KCNC2: variants seen among roughly 807,000 people sequenced by gnomAD.
KCNC2 encodes potassium voltage-gated channel subfamily C member 2, also known as voltage-gated potassium channel KCNC2.
KCNC2 carries 21 observed loss-of-function variants against 44.5 expected under a neutral mutation model. That is an observed-to-expected ratio of 0.47 (90% CI 0.33 to 0.68). The LOEUF (loss-of-function observed/expected upper bound fraction) is 0.68, where lower values mean the gene tolerates loss of function less well. Among genes scored for constraint, KCNC2 ranks in the 30% least tolerant of loss-of-function variants. KCNC2 has a pLI of 0.01. For synonymous variants in KCNC2, 391 were observed against 339.1 expected, an observed-to-expected ratio of 1.15 and a Z score of -1.68; for missense variants, 589 against 826.2, an observed-to-expected ratio of 0.71 and a Z score of 3.52.
rs1892325657 is a variant in KCNC2, at chr12:75,178,208, C to T, written c.687+29089G>A. Among the ~76,000 whole-genome samples the T allele has an allele frequency of 2.6e-5, 4 of 151,966 alleles. No individual in the cohort carries two copies. The South Asian group carries it at 8.3e-4, about 31-fold the overall frequency. On this transcript the variant is annotated intron_variant, in intron 2 of 4. Transcript: ENST00000549446. ...AACCAGTGAGTCATTGTCTGACTCA[C>T]AGTAAGACATGTACATCTGTGCTTA...
intron 2 of KCNC2, among the ~76,000 whole-genome samples, chr12:75,156,634 G>A (rs73355645): frequency 0.011 from 1,729 of 151,620 alleles, 37 homozygotes; most frequent in African/African-American, 0.039. Flanking sequence ...GATGCCTACC[G>A]TTGAAAGTTT....
At chr12:75,137,854 C>A (rs755506098) in intron 2 of KCNC2, among the ~76,000 whole-genome samples, 19 of 152,290 alleles carry the variant, frequency 1.2e-4, no homozygotes, top group Middle Eastern at 3.4e-3. Flanking sequence ...TCTGATTTAA[C>A]CTTGATACAA....
chr12:75,116,851 T>C, intron 2 of KCNC2, among the ~76,000 whole-genome samples: 1 of 152,110 alleles, frequency 6.6e-6, no homozygotes, highest in Admixed American at 6.6e-5. Flanking sequence ...ATGCAACTAA[T>C]TCCCTGCTGC....
rs896303776 is a variant in KCNC2 at position 75,136,068 on chromosome 12, C to T, written c.687+71229G>A. On this transcript the variant is annotated intron_variant, in intron 2 of 4. Coordinates refer to ENST00000549446, the MANE Select transcript of KCNC2 (RefSeq NM_139137.4). Reference sequence around the variant, plus strand: ...ATCCTTTTTTTCTTGGTATATTTAACCTTTCTGTCCACTATAACCTCCTCT... The same window carrying T: ...ATCCTTTTTTTCTTGGTATATTTAATCTTTCTGTCCACTATAACCTCCTCT... Among the ~76,000 whole-genome samples, 3 of 151,940 alleles carry T rather than the reference C, an allele frequency of 2.0e-5. No homozygotes were observed. The East Asian group carries it at 5.8e-4, about 29-fold the overall frequency.
At chr12:75,124,051 A>G (rs540598569) in intron 2 of KCNC2, 6 of 152,350 alleles carry the variant, frequency 3.9e-5, no homozygotes, top group South Asian at 4.1e-4. Context: ...ATCTTCCTGC[A>G]TGAAACTTGA....
chr12:75,115,951 C>T (rs1053455023), intron 2 of KCNC2, among the ~76,000 whole-genome samples: 2 of 152,174 alleles, frequency 1.3e-5, no homozygotes, highest in East Asian at 1.9e-4. Context: ...GTTGCTTGAG[C>T]GCAGCAACTA....
chr12:75,040,880 T>A lies in KCNC2; in HGVS notation c.*2225A>T. 1 of 522,426 alleles carries A rather than the reference T, an allele frequency of 1.9e-6. No individual in the cohort carries two copies. The highest frequency in any genetic ancestry group is 5.2e-4 in the Middle Eastern group (1 of 1,940). The allele number at this position is 522,426 out of a possible 1,614,324, so 32.4% of individuals were successfully genotyped here. A position where few individuals can be genotyped will look rare whatever the true frequency, so the allele number is the denominator to read the frequency against. ...TGGGCCTTACTTGAAACTTCAGAGA[T>A]GTTGATCATGAATTTGGCTTCTTTT... On this transcript the variant is annotated 3_prime_UTR_variant, in exon 5 of 5. Coordinates refer to ENST00000549446, the MANE Select transcript of KCNC2 (RefSeq NM_139137.4).
chr12:75,145,754 G>A (rs1256728420), intron 2 of KCNC2, among the ~76,000 whole-genome samples: 1 of 151,834 alleles, frequency 6.6e-6, no homozygotes, highest in Non-Finnish European at 1.5e-5. Context: ...AAGATTTTTT[G>A]GGTAGGGAAG....
intron 2 of KCNC2, among the ~76,000 whole-genome samples, chr12:75,058,491 A>C (rs544550764): frequency 1.2e-4 from 19 of 152,186 alleles, no homozygotes; most frequent in Middle Eastern, 3.4e-3. Flanking sequence ...TCATGTCCCA[A>C]AATAAATTAT....
intron 4 of KCNC2, chr12:75,044,730 C>G (rs921538813): frequency 6.6e-6 from 1 of 151,916 alleles, no homozygotes; most frequent in South Asian, 2.1e-4. Flanking sequence ...CACACATTAA[C>G]CTTCAGCAGA....
chr12:75,160,340 A>G (rs1891040660), intron 2 of KCNC2, among the ~76,000 whole-genome samples: 1 of 151,822 alleles, frequency 6.6e-6, no homozygotes. Context: ...CTGTGAAAAA[A>G]TTAATTTATG....
intron 2 of KCNC2, among the ~76,000 whole-genome samples, chr12:75,088,508 C>G (rs1885208859): frequency 1.3e-5 from 2 of 152,032 alleles, no homozygotes; most frequent in Non-Finnish European, 2.9e-5. Flanking sequence ...TCCAAAATAT[C>G]CAAACACAAC....
intron 2 of KCNC2, among the ~76,000 whole-genome samples, chr12:75,087,996 G>GAA (rs34692922): frequency 0.051 from 7,565 of 149,498 alleles, 600 homozygotes; most frequent in African/African-American, 0.17. Flanking sequence ...ATCAGTTATG[G>GAA]AAAAAAAAAA....
intron 2 of KCNC2, among the ~76,000 whole-genome samples, chr12:75,096,226 C>G (rs1450005467): frequency 6.6e-6 from 1 of 151,956 alleles, no homozygotes; most frequent in Non-Finnish European, 1.5e-5. Context: ...TTCAATCTCC[C>G]CACAACTACA....
intron 2 of KCNC2, among the ~76,000 whole-genome samples, chr12:75,138,937 C>A (rs1192680382): frequency 7.2e-6 from 1 of 139,128 alleles, no homozygotes; most frequent in Admixed American, 7.7e-5. Context: ...GCGGAGATCG[C>A]GCCACTGCAC....
At chr12:75,170,643 A>C (rs1891750999) in intron 2 of KCNC2, among the ~76,000 whole-genome samples, 1 of 151,784 alleles carries the variant, frequency 6.6e-6, no homozygotes, top group Non-Finnish European at 1.5e-5. Context: ...AATCAGTAAG[A>C]CTAGCATGTC....
intron 2 of KCNC2, among the ~76,000 whole-genome samples, chr12:75,073,500 A>G (rs1159793015): frequency 6.6e-6 from 1 of 152,188 alleles, no homozygotes; most frequent in Non-Finnish European, 1.5e-5. Flanking sequence ...AACATGTTTA[A>G]TAAAAACTTC....
At chr12:75,110,328 T>G (rs1270037613) in intron 2 of KCNC2, among the ~76,000 whole-genome samples, 1 of 152,136 alleles carries the variant, frequency 6.6e-6, no homozygotes, top group East Asian at 1.9e-4. Flanking sequence ...ATAAAAGGAA[T>G]CAGAGTAGCA....
rs761757449 is a variant in KCNC2, at chr12:75,207,408, G to T, written c.576C>A (p.Ile192=). 6.3e-7 allele frequency: 1 copy of T among 1,597,922 alleles called. No individual in the cohort carries two copies. The highest frequency in any genetic ancestry group is 8.5e-7 in the Non-Finnish European group (1 of 1,172,736). ...GGCCCCCGAGCCCCGCCGCGTCCTC[G>T]ATGCCCAGCCTCTTGGCCGCCAGGT... is the stretch of plus-strand genomic sequence containing the variant. The part of the protein sequence containing the change: ...DEDLAAKRLG[I]EDAAGLGGPD... Residue 192 remains isoleucine, a synonymous_variant, in exon 2 of 5, where the codon ATC becomes ATA. Coordinates refer to ENST00000549446, the MANE Select transcript of KCNC2 (RefSeq NM_139137.4). The surrounding 1 kb of genome is among the most constrained non-coding windows in gnomAD (Gnocchi z 4.1).
Sources: allele counts gnomAD v4.1 joint callset (sites outside exome capture counted in the v4.1 genomes callset), GRCh38; gene constraint gnomAD v4.1.1; non-coding constraint Gnocchi (gnomAD v3.1); transcripts MANE v1.5; gene names NCBI Gene and HGNC (gene_info 2026-07-23, HGNC 2026-07-21).